CLVS1: variants seen among roughly 807,000 people sequenced by gnomAD.
CLVS1 encodes clavesin 1.
CLVS1 carries 10 observed loss-of-function variants against 33.1 expected under a neutral mutation model. The observed-to-expected ratio is 0.30, with a 90% CI of 0.19 to 0.51. The LOEUF (loss-of-function observed/expected upper bound fraction) is 0.51. CLVS1 is among the 20% of genes least tolerant of loss of function. CLVS1 has a pLI of 0.97. For missense variants in CLVS1, 343 were observed against 433.4 expected (o/e 0.79, Z 1.85); for synonymous variants, 163 against 166.1 (o/e 0.98, Z 0.14).
chr8:61,395,242 C>T (rs1035294420), intron 3 of CLVS1, among the ~76,000 whole-genome samples: 1 of 151,982 alleles, frequency 6.6e-6, no homozygotes, highest in African/African-American at 2.4e-5. Context: ...CATGTGGAAA[C>T]TCAAAAAGGC....
intron 1 of CLVS1, 53 bp downstream of exon 1, chr8:61,288,191 C>A (rs1211034213): frequency 4.4e-6 from 2 of 456,200 alleles, no homozygotes; most frequent in East Asian, 6.9e-5. Flanking sequence ...CCCCGCCTTT[C>A]CCCCGCTCTT....
the CLVS1 span, among the ~76,000 whole-genome samples, chr8:60,999,258 T>C: frequency 6.6e-6 from 1 of 152,170 alleles, no homozygotes; most frequent in African/African-American, 2.4e-5. Context: ...CAAAGGAACA[T>C]GGGCAGAGAG....
the CLVS1 span, among the ~76,000 whole-genome samples, chr8:60,976,493 GAC>G: frequency 6.6e-6 from 1 of 152,094 alleles, no homozygotes; most frequent in East Asian, 1.9e-4. Context: ...GAGTAGCTGG[GAC>G]TACAGGTGTT....
intron 1 of CLVS1, among the ~76,000 whole-genome samples, chr8:61,129,738 T>C (rs1806052289): frequency 6.6e-6 from 1 of 152,210 alleles, no homozygotes; most frequent in African/African-American, 2.4e-5. Flanking sequence ...GTGAAGGCTT[T>C]GCCCTGTGAT....
chr8:61,188,256 T>G (rs1013230136), intron 2 of CLVS1, among the ~76,000 whole-genome samples: 1 of 152,164 alleles, frequency 6.6e-6, no homozygotes, highest in Non-Finnish European at 1.5e-5. Context: ...GAATTTAAAT[T>G]AAGTTGTTCC....
intron 5 of CLVS1, among the ~76,000 whole-genome samples, chr8:61,488,114 GT>G (rs2064858984): frequency 1.3e-5 from 2 of 152,122 alleles, no homozygotes; most frequent in South Asian, 4.1e-4. Context: ...ATTGGTAGTA[GT>G]AAAAAAGCTT....
intron 3 of CLVS1, among the ~76,000 whole-genome samples, chr8:61,422,431 A>G (rs933249017): frequency 2.0e-5 from 3 of 152,220 alleles, no homozygotes; most frequent in Non-Finnish European, 4.4e-5. Flanking sequence ...ACAAATAAAT[A>G]AATAATTAAA....
upstream of CLVS1, among the ~76,000 whole-genome samples, chr8:61,052,587 A>G (rs982576491): frequency 1.3e-5 from 2 of 152,004 alleles, no homozygotes; most frequent in African/African-American, 2.4e-5. Flanking sequence ...GGAATGGCAC[A>G]TGCAAATGCC....
At chr8:61,452,349 C>A (rs1816993985) in intron 3 of CLVS1, among the ~76,000 whole-genome samples, 1 of 152,146 alleles carries the variant, frequency 6.6e-6, no homozygotes, top group South Asian at 2.1e-4. Flanking sequence ...TCTTATTGGT[C>A]CCATTAAAAA....
chr8:61,063,295 TAGAG>T (rs1303574345), intron 1 of CLVS1, among the ~76,000 whole-genome samples: 2 of 95,356 alleles, frequency 2.1e-5, no homozygotes, highest in Non-Finnish European at 4.1e-5. Flanking sequence ...GAGAGAGAGA[TAGAG>T]AGAGAGAGAG....
chr8:61,344,627 G>GCAGCTGTCCCTAATCT (rs1437762666), intron 2 of CLVS1, among the ~76,000 whole-genome samples: 10 of 152,144 alleles, frequency 6.6e-5, no homozygotes, highest in African/African-American at 2.4e-4. Context: ...TGGAGTTTGT[G>GCAGCTGTCCCTAATCT]CAGCTGTCCC....
intron 2 of CLVS1, among the ~76,000 whole-genome samples, chr8:61,219,204 A>T (rs758417447): frequency 1.3e-5 from 2 of 151,932 alleles, no homozygotes; most frequent in Non-Finnish European, 2.9e-5. Context: ...AAAAAATGGG[A>T]TACATGCGCA....
At chr8:61,251,872 A>C (rs946959374) in intron 2 of CLVS1, among the ~76,000 whole-genome samples, 1 of 151,932 alleles carries the variant, frequency 6.6e-6, no homozygotes, top group Non-Finnish European at 1.5e-5. Flanking sequence ...CAGCTTCTGA[A>C]TTCATTGATT....
the CLVS1 span, chr8:60,965,282 G>A: frequency 6.6e-6 from 1 of 152,238 alleles, no homozygotes; most frequent in Non-Finnish European, 1.5e-5. Flanking sequence ...GACCCCAGAT[G>A]GTGGGAATCA....
chr8:61,417,031 A>C (rs74687109), intron 3 of CLVS1, among the ~76,000 whole-genome samples: 1 of 152,108 alleles, frequency 6.6e-6, no homozygotes, highest in Non-Finnish European at 1.5e-5. Flanking sequence ...CAGTGGTGAC[A>C]CAGGAATGGA....
rs1252796882 is a variant in CLVS1 at position 61,058,518 on chromosome 8, G to T, written c.-243+1288G>T. 3.3e-5 allele frequency among the ~76,000 whole-genome samples: 5 copies of T among 152,304 alleles called. No individual in the cohort carries two copies. The East Asian group carries it at 9.6e-4, about 29-fold the overall frequency. On this transcript the variant is annotated intron_variant, in intron 1 of 2. Coordinates refer to the CLVS1 transcript ENST00000522621. ...TGTTCTCCCCATTATCCATAAAAAT[G>T]GAGGGCATGTACTTTTTAAATTGAG...
At chr8:61,055,414 A>G (rs1804459237), upstream of CLVS1, among the ~76,000 whole-genome samples, 1 of 152,202 alleles carries the variant, frequency 6.6e-6, no homozygotes, top group Admixed American at 6.5e-5. Flanking sequence ...CTGCAATAAA[A>G]CTACATAAAA....
chr8:61,028,472 G>A, the CLVS1 span, among the ~76,000 whole-genome samples: 2 of 152,166 alleles, frequency 1.3e-5, no homozygotes, highest in African/African-American at 4.8e-5. Context: ...AATTAGCCAC[G>A]ACAGGACATT....
intron 2 of CLVS1, among the ~76,000 whole-genome samples, chr8:61,328,988 A>G (rs989051520): frequency 3.3e-5 from 5 of 152,194 alleles, no homozygotes; most frequent in African/African-American, 1.2e-4. Flanking sequence ...TCTGCAAGTT[A>G]GATCTCTGCA....
Sources: gnomAD v4.1 joint callset for allele counts (sites outside exome capture counted in the v4.1 genomes callset) on GRCh38, gnomAD v4.1.1 for gene constraint, MANE v1.5 for transcripts, NCBI Gene and HGNC (gene_info 2026-07-23, HGNC 2026-07-21) for gene names.